The following CHODL variants were observed in gnomAD, a reference collection of about 807,000 sequenced individuals.
CHODL encodes the protein chondrolectin.
A neutral mutation model predicts 34.5 loss-of-function variants in CHODL; 29 were observed. The observed-to-expected ratio is 0.84, with a 90% CI of 0.63 to 1.15. CHODL has a LOEUF of 1.15. Among genes scored for constraint, CHODL ranks in the 50% most tolerant of loss-of-function variants. The pLI is 0.00. For synonymous variants in CHODL, 125 were observed against 116.1 expected (o/e 1.08, Z -0.49); for missense variants, 332 against 332.5 (o/e 1.00, Z 0.01).
intron 2 of CHODL, among the ~76,000 whole-genome samples, chr21:18,236,299 C>T (rs1323705765): frequency 2.0e-5 from 3 of 152,052 alleles, no homozygotes; most frequent in African/African-American, 7.2e-5. Context: ...AAACCGCCTC[C>T]ATGATTCAAT....
Position 17,938,679 on chromosome 21 carries a change from G to C in CHODL, c.-145+21279G>C, listed in dbSNP as rs921490249. Among the ~76,000 whole-genome samples the C allele has an allele frequency of 7.2e-5, 11 of 151,800 alleles. 1 individual carries two copies. Among genetic ancestry groups the C allele is most frequent in the South Asian group, 2.1e-4 (1 of 4,810 alleles). The stretch of plus-strand genomic sequence containing the variant: ...ATTTTTAGTAGAGACGGGGTTTCAC[G>C]GTGTTAGCCAGGATGGTCTCGATCT... On this transcript the variant is annotated intron_variant, in intron 1 of 6. Transcript: ENST00000400127.
chr21:17,983,274 TAAC>T (rs1391137449), intron 1 of CHODL, among the ~76,000 whole-genome samples: 3 of 152,332 alleles, frequency 2.0e-5, no homozygotes, highest in East Asian at 3.9e-4. Context: ...ATATGGCACT[TAAC>T]AACGTCCCTA....
intron 2 of CHODL, among the ~76,000 whole-genome samples, chr21:18,142,697 C>T (rs2072817653): frequency 6.6e-6 from 1 of 152,110 alleles, no homozygotes; most frequent in African/African-American, 2.4e-5. Flanking sequence ...TTCAAATCTG[C>T]AGTTCCCTGG....
intron 2 of CHODL, among the ~76,000 whole-genome samples, chr21:18,170,324 G>A (rs2073211825): frequency 6.6e-6 from 1 of 151,838 alleles, no homozygotes; most frequent in Non-Finnish European, 1.5e-5. Flanking sequence ...AACTAAACTT[G>A]TGGACAGAAT....
chr21:18,039,321 GT>G (rs1283936855), intron 2 of CHODL, among the ~76,000 whole-genome samples: 1 of 151,728 alleles, frequency 6.6e-6, no homozygotes, highest in Non-Finnish European at 1.5e-5. Context: ...AAAGTGTTAA[GT>G]TTGTAGCTTT....
At chr21:18,177,084 A>G (rs1387455222) in intron 2 of CHODL, among the ~76,000 whole-genome samples, 1 of 152,116 alleles carries the variant, frequency 6.6e-6, no homozygotes, top group Non-Finnish European at 1.5e-5. Context: ...ATTTAAATCA[A>G]GAATACACCA....
At position 17,918,340 on chromosome 21, in the gene CHODL, G is replaced by A. The variant is rs184133054; in HGVS notation, c.-145+940G>A. ...GTTTTCACACTGCTGATAAAGACAT[G>A]TGTGAGACTGGCCAATTTACAAAAG... On this transcript the variant is annotated intron_variant, in intron 1 of 6. Transcript: ENST00000400127. 8.0e-3 allele frequency among the ~76,000 whole-genome samples: 1,211 copies of A among 151,280 alleles called. 19 individuals carry two copies. The highest frequency in any genetic ancestry group is 0.027 in the African/African-American group (1,115 of 41,452).
At chr21:17,941,201 T>C (rs190739543) in intron 1 of CHODL, among the ~76,000 whole-genome samples, 56 of 152,176 alleles carry the variant, frequency 3.7e-4, no homozygotes, top group Non-Finnish European at 7.2e-4. Flanking sequence ...TTATGTTCCT[T>C]TAGTTCAAAA....
intron 2 of CHODL, among the ~76,000 whole-genome samples, chr21:18,071,500 C>A (rs1029162379): frequency 6.6e-6 from 1 of 152,054 alleles, no homozygotes; most frequent in Non-Finnish European, 1.5e-5. Context: ...TTCAGTTCTA[C>A]CCTCTACATG....
At chr21:18,181,760 T>C (rs553708927) in intron 2 of CHODL, among the ~76,000 whole-genome samples, 29 of 152,194 alleles carry the variant, frequency 1.9e-4, no homozygotes, top group Non-Finnish European at 3.2e-4. Flanking sequence ...ACATTGACCA[T>C]TCTGGACATT....
At chr21:18,128,214 T>C (rs1369029497) in intron 2 of CHODL, among the ~76,000 whole-genome samples, 1 of 143,410 alleles carries the variant, frequency 7.0e-6, no homozygotes, top group East Asian at 2.1e-4. Context: ...GGCAGGAGAA[T>C]GGTGTGAACC....
chr21:18,243,219 ATTTC>A (rs2074098787), upstream of CHODL, among the ~76,000 whole-genome samples: 1 of 152,122 alleles, frequency 6.6e-6, no homozygotes, highest in South Asian at 2.1e-4. Flanking sequence ...TTATTATTTT[ATTTC>A]TTTCTCTACA....
chr21:18,074,119 T>C (rs941045337), intron 2 of CHODL, among the ~76,000 whole-genome samples: 6 of 152,140 alleles, frequency 3.9e-5, no homozygotes, highest in African/African-American at 1.4e-4. Context: ...ATTGACATCA[T>C]AATGGCTGAT....
At chr21:18,230,137 C>T (rs942065360) in intron 2 of CHODL, among the ~76,000 whole-genome samples, 7 of 152,052 alleles carry the variant, frequency 4.6e-5, no homozygotes, top group South Asian at 2.1e-4. Context: ...AAACTGTTAC[C>T]GTTAAAATGG....
At chr21:17,939,545 G>T (rs2063346618) in intron 1 of CHODL, among the ~76,000 whole-genome samples, 1 of 152,106 alleles carries the variant, frequency 6.6e-6, no homozygotes, top group Non-Finnish European at 1.5e-5. Context: ...AAATATAAAT[G>T]TTGATAAATA....
intron 1 of CHODL, among the ~76,000 whole-genome samples, chr21:18,025,913 A>C (rs750170536): frequency 6.6e-6 from 1 of 152,164 alleles, no homozygotes; most frequent in Non-Finnish European, 1.5e-5. Flanking sequence ...TACAGACCTC[A>C]TTGTAACTTA....
At chr21:18,058,014 C>G (rs921587981) in intron 2 of CHODL, among the ~76,000 whole-genome samples, 1 of 151,974 alleles carries the variant, frequency 6.6e-6, no homozygotes, top group Non-Finnish European at 1.5e-5. Flanking sequence ...TGGAAAGATT[C>G]TATACATTAT....
Position 18,266,784 on chromosome 21 carries a change from C to T in CHODL, c.*746C>T, listed in dbSNP as rs1036191047. The T allele has an allele frequency of 1.3e-5, 2 of 152,678 alleles. No individual in the cohort carries two copies. The highest frequency in any genetic ancestry group is 4.8e-5 in the African/African-American group (2 of 41,448). 9.5% of individuals were successfully genotyped at this position (152,678 alleles called of 1,614,324 possible). A position where few individuals can be genotyped will look rare whatever the true frequency, so the allele number is the denominator to read the frequency against. ...TAATTATTTTTAGCTTAAAATTAAA[C>T]AGATTTTGTAATAATGTAACTTTGT... On this transcript the variant is annotated 3_prime_UTR_variant, in exon 6 of 6. Transcript: ENST00000299295.
chr21:18,186,018 C>T (rs1300659132), intron 2 of CHODL, among the ~76,000 whole-genome samples: 1 of 152,074 alleles, frequency 6.6e-6, no homozygotes, highest in Non-Finnish European at 1.5e-5. Flanking sequence ...CACATTCAGA[C>T]CATAGCAATT....
Sources: allele counts gnomAD v4.1 joint callset (sites outside exome capture counted in the v4.1 genomes callset), GRCh38; gene constraint gnomAD v4.1.1; transcripts MANE v1.5; gene names NCBI Gene and HGNC (gene_info 2026-07-23, HGNC 2026-07-21).